The following RPS6KC1 variants were observed in gnomAD, a reference collection of about 807,000 sequenced individuals.
The protein encoded by RPS6KC1 is inactive ribosomal protein S6 kinase delta-1.
RPS6KC1 carries 54 observed loss-of-function variants against 103.8 expected under a neutral mutation model. The observed-to-expected ratio is 0.52, with a 90% CI of 0.42 to 0.65. The LOEUF (loss-of-function observed/expected upper bound fraction) is 0.65, where lower values mean the gene tolerates loss of function less well. Ranked by LOEUF, RPS6KC1 falls within the 30% of genes least tolerant of loss-of-function variation. The pLI, the probability that RPS6KC1 is intolerant of heterozygous loss-of-function variation, is 0.00. For synonymous variants in RPS6KC1, 439 were observed against 438.7 expected (o/e 1.00, Z -0.01); for missense variants, 1,151 against 1,253.8 (o/e 0.92, Z 1.24).
intron 8 of RPS6KC1, among the ~76,000 whole-genome samples, chr1:213,216,265 T>C (rs1573356143): frequency 1.3e-5 from 2 of 152,060 alleles, no homozygotes; most frequent in South Asian, 4.2e-4. Flanking sequence ...CCAACAAAGA[T>C]CAAAAGAGAC....
At chr1:213,461,831 A>G in the RPS6KC1 span, among the ~76,000 whole-genome samples, 1 of 152,228 alleles carries the variant, frequency 6.6e-6, no homozygotes, top group Non-Finnish European at 1.5e-5. Flanking sequence ...AAGAAAACCT[A>G]GACAATACCA....
chr1:213,072,203 A>G (rs1217671073), intron 2 of RPS6KC1, among the ~76,000 whole-genome samples: 1 of 151,782 alleles, frequency 6.6e-6, no homozygotes, highest in Non-Finnish European at 1.5e-5. Context: ...CTGTTTAGCC[A>G]CGGGTCCCAC....
the RPS6KC1 span, among the ~76,000 whole-genome samples, chr1:213,527,274 G>A: frequency 6.6e-6 from 1 of 152,198 alleles, no homozygotes; most frequent in Non-Finnish European, 1.5e-5. Flanking sequence ...CTTACAATTT[G>A]TAGTGTTTTA....
the RPS6KC1 span, among the ~76,000 whole-genome samples, chr1:213,410,407 G>C: frequency 2.0e-5 from 3 of 152,170 alleles, no homozygotes; most frequent in Non-Finnish European, 4.4e-5. Flanking sequence ...GAAGCTTAGG[G>C]AGTGCTTGTT....
chr1:213,770,002 C>A, the RPS6KC1 span, among the ~76,000 whole-genome samples: 1 of 152,144 alleles, frequency 6.6e-6, no homozygotes, highest in Non-Finnish European at 1.5e-5. Context: ...AGGTCCAACA[C>A]TGGGGAGCCA....
chr1:213,151,245 G>A (rs376433269), intron 6 of RPS6KC1, among the ~76,000 whole-genome samples: 29,373 of 95,620 alleles, frequency 0.31, 2,969 homozygotes, highest in Non-Finnish European at 0.44. Context: ...CCTCCCGGAC[G>A]GGGCGGCTGG....
the RPS6KC1 span, among the ~76,000 whole-genome samples, chr1:213,437,368 G>A: frequency 5.5e-4 from 83 of 152,030 alleles, 1 homozygote; most frequent in African/African-American, 2.0e-3. Context: ...AAATTATTTG[G>A]TTGTAATGTA....
chr1:213,124,709 C>T (rs536529196), intron 5 of RPS6KC1, among the ~76,000 whole-genome samples: 6 of 151,960 alleles, frequency 3.9e-5, no homozygotes, highest in South Asian at 2.1e-4. Context: ...TCGAGCTGGC[C>T]GGAGAATACG....
chr1:213,470,969 T>C, the RPS6KC1 span, among the ~76,000 whole-genome samples: 17 of 152,192 alleles, frequency 1.1e-4, no homozygotes, highest in African/African-American at 4.1e-4. Context: ...CAACTATTGG[T>C]TCATACAGAA....
the RPS6KC1 span, among the ~76,000 whole-genome samples, chr1:213,311,080 G>A: frequency 1.3e-5 from 2 of 152,146 alleles, no homozygotes; most frequent in Admixed American, 1.3e-4. Context: ...CAGAGCCGCT[G>A]GGGCTGACAA....
the RPS6KC1 span, among the ~76,000 whole-genome samples, chr1:213,707,591 G>T: frequency 1.3e-5 from 2 of 152,090 alleles, no homozygotes; most frequent in Non-Finnish European, 2.9e-5. Context: ...AATTGCTTTT[G>T]GTGTTTTAGT....
chr1:213,252,965 A>G (rs763641891), intron 12 of RPS6KC1, among the ~76,000 whole-genome samples: 11 of 152,194 alleles, frequency 7.2e-5, no homozygotes, highest in Non-Finnish European at 1.6e-4. Flanking sequence ...TAAATTTTCT[A>G]TGACTTCTTA....
the RPS6KC1 span, among the ~76,000 whole-genome samples, chr1:213,805,105 G>A: frequency 6.6e-6 from 1 of 152,220 alleles, no homozygotes; most frequent in Non-Finnish European, 1.5e-5. Flanking sequence ...AACTGCTAAT[G>A]ATCCTCTGAG....
chr1:213,860,739 C>T, the RPS6KC1 span, among the ~76,000 whole-genome samples: 17 of 152,118 alleles, frequency 1.1e-4, no homozygotes, highest in East Asian at 3.9e-4. Flanking sequence ...AAGCAGAAGA[C>T]GCAGCCAGAG....
At chr1:213,854,259 A>G in the RPS6KC1 span, among the ~76,000 whole-genome samples, 1 of 152,230 alleles carries the variant, frequency 6.6e-6, no homozygotes, top group Non-Finnish European at 1.5e-5. Context: ...AGACTGTAGC[A>G]GTCGACTCAT....
chr1:213,593,081 A>T, the RPS6KC1 span, among the ~76,000 whole-genome samples: 1 of 151,900 alleles, frequency 6.6e-6, no homozygotes, highest in African/African-American at 2.4e-5. Flanking sequence ...CAGCAATGGC[A>T]CTGGTGTTGA....
At chr1:213,822,253 C>T in the RPS6KC1 span, 1 of 152,196 alleles carries the variant, frequency 6.6e-6, no homozygotes, top group East Asian at 1.9e-4. Flanking sequence ...CTTTCTACAT[C>T]CCAGGACATT....
At chr1:213,686,531 C>A in the RPS6KC1 span, among the ~76,000 whole-genome samples, 3 of 152,180 alleles carry the variant, frequency 2.0e-5, no homozygotes, top group African/African-American at 7.2e-5. Flanking sequence ...GGTTCATGAA[C>A]TTCCTTATTT....
the RPS6KC1 span, among the ~76,000 whole-genome samples, chr1:213,645,101 C>T: frequency 6.6e-6 from 1 of 152,126 alleles, no homozygotes; most frequent in Non-Finnish European, 1.5e-5. Flanking sequence ...CTCATCCTAG[C>T]AACTGCCTTT....
Sources: allele counts gnomAD v4.1 joint callset (sites outside exome capture counted in the v4.1 genomes callset), GRCh38; gene constraint gnomAD v4.1.1; transcripts MANE v1.5; gene names NCBI Gene and HGNC (gene_info 2026-07-23, HGNC 2026-07-21).